The following EYS variants were observed in gnomAD, a reference collection of about 807,000 sequenced individuals.
EYS encodes the protein EGF-like photoreceptor maintenance factor.
Under a neutral mutation model 282.1 loss-of-function variants are expected in EYS, and 250 were observed. That is an observed-to-expected ratio of 0.89 (90% CI 0.80 to 0.98). The LOEUF (loss-of-function observed/expected upper bound fraction) is 0.98, where lower values mean the gene tolerates loss of function less well. Among genes scored for constraint, EYS ranks in the 50% least tolerant of loss-of-function variants. The probability of loss-of-function intolerance (pLI) is 0.00; values close to 1 mark genes in which losing one functional copy is unlikely to be tolerated. For missense variants in EYS, 4,016 were observed against 3,709.0 expected, an observed-to-expected ratio of 1.08 and a Z score of -2.15; for synonymous variants, 1,355 against 1,282.9, an observed-to-expected ratio of 1.06 and a Z score of -1.20.
intron 5 of EYS, among the ~76,000 whole-genome samples, chr6:65,464,045 T>C (rs1301721087): frequency 6.6e-6 from 1 of 152,206 alleles, no homozygotes; most frequent in Non-Finnish European, 1.5e-5. Flanking sequence ...ATTTTCTTTT[T>C]TCAAATTTCA....
chr6:65,536,952 A>G (rs1379815039), intron 2 of EYS, among the ~76,000 whole-genome samples: 1 of 152,220 alleles, frequency 6.6e-6, no homozygotes, highest in Non-Finnish European at 1.5e-5. Flanking sequence ...ATAACTAAGA[A>G]TTACTAAAAC....
intron 12 of EYS, among the ~76,000 whole-genome samples, chr6:65,094,227 C>T (rs571935754): frequency 7.0e-6 from 1 of 141,854 alleles, no homozygotes; most frequent in South Asian, 2.3e-4. Flanking sequence ...ATAAAGCAAA[C>T]ATGACTTATA....
intron 12 of EYS, among the ~76,000 whole-genome samples, chr6:65,092,613 T>G (rs56362916): frequency 6.6e-6 from 1 of 152,328 alleles, no homozygotes; most frequent in African/African-American, 2.4e-5. Context: ...ATTACACTTT[T>G]GAAATGCAGC....
At position 64,667,479 on chromosome 6, in the gene EYS, T is replaced by C. The variant is rs551024739; in HGVS notation, c.3444-41234A>G. ...TTGCTGGGAAGGACATTCTGTTAAA[T>C]AGTTATTTTAAAAGATCATTTGGGA... is the stretch of plus-strand genomic sequence containing the variant. On this transcript the variant is annotated intron_variant, in intron 22 of 42. Transcript: ENST00000503581. Among the ~76,000 whole-genome samples, 14 of 151,786 alleles carry C rather than the reference T, an allele frequency of 9.2e-5. No homozygotes were observed. The South Asian group carries it at 2.9e-3, about 32-fold the overall frequency.
intron 33 of EYS, among the ~76,000 whole-genome samples, chr6:64,033,297 G>C (rs970660681): frequency 2.6e-5 from 4 of 152,150 alleles, no homozygotes; most frequent in African/African-American, 7.2e-5. Context: ...ACTTCCGTTA[G>C]AGAAAAAAGG....
At chr6:65,596,195 A>G (rs1046337064) in intron 2 of EYS, among the ~76,000 whole-genome samples, 2 of 152,084 alleles carry the variant, frequency 1.3e-5, no homozygotes, top group African/African-American at 4.8e-5. Context: ...GCTAAATAAC[A>G]TCTTGGATAA....
intron 2 of EYS, among the ~76,000 whole-genome samples, chr6:65,515,318 T>C (rs969935077): frequency 6.6e-6 from 1 of 151,900 alleles, no homozygotes; most frequent in African/African-American, 2.4e-5. Flanking sequence ...TGTGGAGAAA[T>C]AGGAACACTT....
chr6:65,458,260 A>G (rs1441882445), intron 5 of EYS, among the ~76,000 whole-genome samples: 1 of 152,150 alleles, frequency 6.6e-6, no homozygotes, highest in Non-Finnish European at 1.5e-5. Context: ...GCAACCATAT[A>G]TTCTCTACCG....
At chr6:64,620,168 A>G in intron 23 of EYS, among the ~76,000 whole-genome samples, 1 of 152,148 alleles carries the variant, frequency 6.6e-6, no homozygotes, top group East Asian at 1.9e-4. Context: ...AACACCAAGA[A>G]CCACAGGTAT....
At chr6:64,393,861 A>C (rs1773255386) in intron 28 of EYS, among the ~76,000 whole-genome samples, 1 of 152,014 alleles carries the variant, frequency 6.6e-6, no homozygotes, top group South Asian at 2.1e-4. Flanking sequence ...TGCAGACGAC[A>C]TGATTGTATA....
At chr6:65,358,179 C>A (rs766367712) in intron 8 of EYS, among the ~76,000 whole-genome samples, 2 of 151,900 alleles carry the variant, frequency 1.3e-5, no homozygotes, top group African/African-American at 4.8e-5. Flanking sequence ...ATATTTGGAA[C>A]TGATGCTTTA....
At position 65,622,680 on chromosome 6, in the gene EYS, G is replaced by T. The variant is rs565205046; in HGVS notation, c.-333+17098C>A. On this transcript the variant is annotated intron_variant, in intron 2 of 42. Coordinates refer to ENST00000503581, the MANE Select transcript of EYS (RefSeq NM_001142800.2). Reference sequence around the variant, plus strand: ...AAAGCAGACTATCATTGTTAAGATTGTTGCATTTCTTGAGTTAATCAAGAG... The same window carrying T: ...AAAGCAGACTATCATTGTTAAGATTTTTGCATTTCTTGAGTTAATCAAGAG... Among the ~76,000 whole-genome samples the T allele has an allele frequency of 4.2e-4, 63 of 151,790 alleles. 1 individual carries two copies. Among genetic ancestry groups the T allele is most frequent in the African/African-American group, 1.5e-3 (60 of 41,374 alleles).
intron 19 of EYS, among the ~76,000 whole-genome samples, chr6:64,833,898 T>A (rs554171114): frequency 4.6e-5 from 7 of 152,078 alleles, no homozygotes; most frequent in Non-Finnish European, 1.0e-4. Context: ...TTTTACAATG[T>A]ATGTTTCTCT....
chr6:64,924,559 CA>C (rs1768452354), intron 15 of EYS, among the ~76,000 whole-genome samples: 1 of 152,206 alleles, frequency 6.6e-6, no homozygotes, highest in Non-Finnish European at 1.5e-5. Flanking sequence ...AGTCAGGCTG[CA>C]AATTTTCCAA....
At chr6:65,242,246 T>A (rs1767075261) in intron 12 of EYS, among the ~76,000 whole-genome samples, 1 of 150,036 alleles carries the variant, frequency 6.7e-6, no homozygotes, top group Non-Finnish European at 1.5e-5. Context: ...ATTTTAGAAT[T>A]TTTTTTTTAA....
At chr6:64,787,451 T>C (rs1338736687) in intron 22 of EYS, among the ~76,000 whole-genome samples, 8 of 150,642 alleles carry the variant, frequency 5.3e-5, no homozygotes, top group Non-Finnish European at 1.2e-4. Context: ...TTTTAAAAAC[T>C]TTGTTTTTTT....
At chr6:65,530,012 G>A (rs766140939) in intron 2 of EYS, among the ~76,000 whole-genome samples, 2 of 152,066 alleles carry the variant, frequency 1.3e-5, no homozygotes, top group Admixed American at 1.3e-4. Flanking sequence ...ATTATCTTTT[G>A]TTTGCTTTTT....
At chr6:65,115,016 T>C (rs998044669) in intron 12 of EYS, among the ~76,000 whole-genome samples, 4 of 152,026 alleles carry the variant, frequency 2.6e-5, no homozygotes, top group South Asian at 2.1e-4. Context: ...TTTTACTTAA[T>C]AAATAATCCT....
intron 36 of EYS, among the ~76,000 whole-genome samples, chr6:63,821,058 T>A (rs1373980296): frequency 6.6e-6 from 1 of 152,068 alleles, no homozygotes; most frequent in Non-Finnish European, 1.5e-5. Context: ...ATGAATTATA[T>A]CTTCTCATCT....
Sources: gnomAD v4.1 joint callset for allele counts (sites outside exome capture counted in the v4.1 genomes callset) on GRCh38, gnomAD v4.1.1 for gene constraint, MANE v1.5 for transcripts, NCBI Gene and HGNC (gene_info 2026-07-23, HGNC 2026-07-21) for gene names.